The following RPL27A variants were observed in gnomAD, a reference collection of about 807,000 sequenced individuals.
RPL27A encodes the protein ribosomal protein L27a.
For missense variants in RPL27A, 118 were observed against 189.4 expected, an observed-to-expected ratio of 0.62 and a Z score of 2.21; for synonymous variants, 69 against 68.3, an observed-to-expected ratio of 1.01 and a Z score of -0.05.
intron 4 of RPL27A, chr11:8,685,279 C>G (rs2039575751): frequency 2.2e-6 from 1 of 456,536 alleles, no homozygotes; most frequent in Admixed American, 2.9e-5. Flanking sequence ...TCTTAACTCT[C>G]ATGAATATAG....
rs908292309 is a variant in RPL27A, at chr11:8,686,620, A to G, written c.*814A>G. 2.0e-5 allele frequency: 3 copies of G among 152,214 alleles called. No individual in the cohort carries two copies. Among genetic ancestry groups the G allele is most frequent in the African/African-American group, 7.2e-5 (3 of 41,458 alleles). The allele number at this position is 152,214 out of a possible 1,614,324, so 9.4% of individuals were successfully genotyped here. ...TGGGGGTCCAGCAATCTGAAATTTC[A>G]GTATGCCAGGGCTTTTCTGTATGTC... On this transcript the variant is annotated 3_prime_UTR_variant, in exon 5 of 5. Transcript: ENST00000314138.
At chr11:8,685,199 T>C in intron 4 of RPL27A, 2 of 458,060 alleles carry the variant, frequency 4.4e-6, no homozygotes, top group Non-Finnish European at 8.1e-6. Context: ...CCATGCATTA[T>C]CTGAAGAGAT....
rs1333461271 is a variant in RPL27A, at chr11:8,689,446, G to T, written c.*3640G>T. 8 of 151,316 alleles carry T rather than the reference G, an allele frequency of 5.3e-5. No homozygotes were observed. The highest frequency in any genetic ancestry group is 4.2e-4 in the South Asian group (2 of 4,750). 9.4% of individuals were successfully genotyped at this position (151,316 alleles called of 1,614,324 possible). ...TGAGCACGAAGTATGTTTTGGTGCA[G>T]TTTTTTGTTCAACCCAATGCGTATT... On this transcript the variant is annotated 3_prime_UTR_variant, in exon 5 of 5. Transcript: ENST00000314138.
At position 8,688,397 on chromosome 11, in the gene RPL27A, C is replaced by T. The variant is rs2039606625; in HGVS notation, c.*2591C>T. On this transcript the variant is annotated 3_prime_UTR_variant, in exon 5 of 5. Coordinates refer to ENST00000314138, the MANE Select transcript of RPL27A (RefSeq NM_000990.5). ...TGCTGGCTTGTTCACTCACCAGAAGCTACAGCTACTAACAGTTCTAAAAAC... is the reference window on the plus strand; with the variant it reads ...TGCTGGCTTGTTCACTCACCAGAAGTTACAGCTACTAACAGTTCTAAAAAC... The T allele has an allele frequency of 6.7e-6, 1 of 149,808 alleles. No homozygotes were observed. Among genetic ancestry groups the T allele is most frequent in the African/African-American group, 2.5e-5 (1 of 40,108 alleles). 9.3% of individuals were successfully genotyped at this position (149,808 alleles called of 1,614,324 possible). A position where few individuals can be genotyped will look rare whatever the true frequency, so the allele number is the denominator to read the frequency against.
rs200618964 is a variant in RPL27A, at chr11:8,683,389, T to TG, written c.67+125dup. On this transcript the variant is annotated intron_variant, in intron 2 of 4. Coordinates refer to ENST00000314138, the MANE Select transcript of RPL27A (RefSeq NM_000990.5). The stretch of plus-strand genomic sequence containing the variant: ...TTTTGTGGTCAAGTTGCACAGCTGT[T>TG]GATTTTTTTCTGACGATCCTCTAGT... The TG allele has an allele frequency of 4.5e-3, 3,549 of 784,398 alleles. 179 individuals carry two copies. In the Admixed American group the frequency reaches 0.081, roughly 18 times the overall value. The allele number at this position is 784,398 out of a possible 1,614,324, so 48.6% of individuals were successfully genotyped here.
rs544855937 is a variant in RPL27A at position 8,688,923 on chromosome 11, G to C, written c.*3117G>C. 5 of 152,386 alleles carry C rather than the reference G, an allele frequency of 3.3e-5. No homozygotes were observed. The highest frequency in any genetic ancestry group is 1.2e-4 in the African/African-American group (5 of 41,578). 9.4% of individuals were successfully genotyped at this position (152,386 alleles called of 1,614,324 possible). ...GTCAGCACGACCCGACCTCAGTGGC[G>C]TCCTCACAACACAGACCGGACCTTG... On this transcript the variant is annotated 3_prime_UTR_variant, in exon 5 of 5. Transcript: ENST00000314138.
chr11:8,684,262 G>A (rs1009562126), intron 3 of RPL27A, 181 bp downstream of exon 3: 7 of 763,318 alleles, frequency 9.2e-6, no homozygotes, highest in Admixed American at 3.4e-5. Flanking sequence ...ATCGGCTATT[G>A]CCTGAGTGTG....
intron 1 of RPL27A, 116 bp from the exon 2 acceptor site, chr11:8,683,086 C>A: frequency 1.7e-6 from 2 of 1,164,024 alleles, no homozygotes; most frequent in Admixed American, 1.9e-5. Context: ...TCAGCTTTCC[C>A]AAACGCTCCA....
At chr11:8,682,986 G>A in intron 1 of RPL27A, 170 bp downstream of exon 1, 1 of 959,982 alleles carries the variant, frequency 1.0e-6, no homozygotes, top group Non-Finnish European at 1.6e-6. Context: ...TCCCGGAGCC[G>A]TGTGTTAGGC....
intron 4 of RPL27A, chr11:8,685,118 C>T (rs576727032): frequency 3.3e-5 from 19 of 578,216 alleles, no homozygotes; most frequent in Non-Finnish European, 5.6e-5. Context: ...CTGGTTTTCA[C>T]TGAGCACAGC....
chr11:8,685,060 G>A (rs1672733346), intron 4 of RPL27A, 168 bp downstream of exon 4: 1 of 693,452 alleles, frequency 1.4e-6, no homozygotes, highest in African/African-American at 1.8e-5. Flanking sequence ...AGTGCCTACT[G>A]TCACTGCCCA....
rs755612389 is a variant in RPL27A, at chr11:8,684,841, T to A, written c.267T>A (p.Asn89Lys). 7 of 1,614,106 alleles carry A rather than the reference T, an allele frequency of 4.3e-6. No homozygotes were observed. The South Asian group carries it at 4.4e-5, about 10-fold the overall frequency. ...TGGTCAGTGAACAGACACGGGTGAA[T>A]GCTGCTAAAAACAAGACTGGGGCTG... is the stretch of plus-strand genomic sequence containing the variant. Reference protein sequence around the residue: ...WTLVSEQTRVNAAKNKTGAAP... With the variant: ...WTLVSEQTRVKAAKNKTGAAP... The change falls in exon 4 of 5, where the codon AAT (asparagine) becomes AAA (lysine). Residue 89 changes from asparagine (N) to lysine (K), a missense_variant. Physicochemically the swap from Asn to Lys is moderately conservative, Grantham distance 94. Transcript: ENST00000314138.
chr11:8,682,937 C>CCCGCAGGCGGCCA, intron 1 of RPL27A, 121 bp downstream of exon 1: 2 of 1,357,642 alleles, frequency 1.5e-6, no homozygotes, highest in Non-Finnish European at 2.0e-6. Context: ...GCATGGCCGC[C>CCCGCAGGCGGCCA]TGCGGGGCAG....
rs779444422 is a variant in RPL27A at position 8,684,705 on chromosome 11, T to G, written c.144-13T>G. On this transcript the variant is annotated splice_polypyrimidine_tract_variant and intron_variant, in intron 3 of 4. Transcript: ENST00000314138. ...TTGGAGTGTGTATGAAGGTGGTTGT[T>G]ACCTCTTCCTAGCCACCCAGGCTAC... 1.2e-6 allele frequency: 2 copies of G among 1,613,306 alleles called. No homozygotes were observed. Among genetic ancestry groups the G allele is most frequent in the Non-Finnish European group, 1.7e-6 (2 of 1,179,256 alleles).
chr11:8,685,758 T>C lies in RPL27A; in HGVS notation c.399T>C (p.Ala133=). 6.2e-7 allele frequency: 1 copy of C among 1,614,074 alleles called. No homozygotes were observed. The highest frequency in any genetic ancestry group is 8.5e-7 in the Non-Finnish European group (1 of 1,179,952). ...AGGCCAAATTCTTCAGCAGAAGAGC[T>C]GAGGAGAAGATTAAGAGTGTTGGGG... is the stretch of plus-strand genomic sequence containing the variant. ...IVKAKFFSRR[A]EEKIKSVGGA... is the part of the protein sequence containing the mutation. Residue 133 remains alanine, a synonymous_variant, in exon 5 of 5, where the codon GCT becomes GCC. Transcript: ENST00000314138.
rs1357567260 is a variant in RPL27A, at chr11:8,683,558, C to G, written c.67+293C>G. ...GTTTCACCCGGAATCCTAAAGTAAT[C>G]GCATTGCTGAAAACCGGCATCGGTA... is the stretch of plus-strand genomic sequence containing the variant. On this transcript the variant is annotated intron_variant, in intron 2 of 4. Coordinates refer to ENST00000314138, the MANE Select transcript of RPL27A (RefSeq NM_000990.5). 1.1e-4 allele frequency: 61 copies of G among 536,384 alleles called. No homozygotes were observed. In the Admixed American group the frequency reaches 2.0e-3, roughly 18 times the overall value. 33.2% of individuals were successfully genotyped at this position (536,384 alleles called of 1,614,324 possible). A position where few individuals can be genotyped will look rare whatever the true frequency, so the allele number is the denominator to read the frequency against.
intron 3 of RPL27A, chr11:8,684,428 A>G (rs2039563134): frequency 1.4e-6 from 1 of 713,924 alleles, no homozygotes; most frequent in East Asian, 2.7e-5. Context: ...TTATAGGAGT[A>G]TGTAGATTTT....
intron 1 of RPL27A, 185 bp from the exon 2 acceptor site, chr11:8,683,017 A>G (rs749377495): frequency 8.1e-6 from 7 of 860,122 alleles, no homozygotes; most frequent in Non-Finnish European, 1.3e-5. Context: ...GATCTCTAGG[A>G]CACGCGGGCC....
At chr11:8,683,440 C>T in intron 2 of RPL27A, 175 bp downstream of exon 2, 1 of 621,420 alleles carries the variant, frequency 1.6e-6, no homozygotes, top group Non-Finnish European at 2.9e-6. Flanking sequence ...AATTTCACAT[C>T]AGTGGGGTAA....
Sources: gnomAD v4.1 joint callset for allele counts on GRCh38, gnomAD v4.1.1 for gene constraint, MANE v1.5 for transcripts, NCBI Gene and HGNC (gene_info 2026-07-23, HGNC 2026-07-21) for gene names.